Variants in ACOX3 observed in about 807,000 individuals in gnomAD.
ACOX3 encodes acyl-CoA oxidase 3, pristanoyl.
ACOX3 carries 73 observed loss-of-function variants against 81.5 expected under a neutral mutation model. The ratio of observed to expected loss-of-function variants is 0.90; its 90% confidence interval spans 0.74 to 1.09. The LOEUF (loss-of-function observed/expected upper bound fraction) is 1.09. Among genes scored for constraint, ACOX3 ranks in the 50% least tolerant of loss-of-function variants. The pLI is 0.00. For missense variants in ACOX3, 947 were observed against 928.0 expected (o/e 1.02, Z -0.27); for synonymous variants, 387 against 375.1 (o/e 1.03, Z -0.37).
the ACOX3 span, among the ~76,000 whole-genome samples, chr4:8,360,049 G>C: frequency 6.6e-6 from 1 of 152,150 alleles, no homozygotes; most frequent in Non-Finnish European, 1.5e-5. Context: ...CTTTGCTGCA[G>C]GTCCCTCAAA....
At position 8,416,340 on chromosome 4, in the gene ACOX3, G is replaced by A. The variant is rs1428691577; in HGVS notation, c.144+38C>T. ...TCTGCTAACGAACTAAGACCCCACT[G>A]GGAAAAAAGACAAGCTGCGCACAAC... On this transcript the variant is annotated intron_variant, in intron 2 of 17. Coordinates refer to ENST00000356406, the MANE Select transcript of ACOX3 (RefSeq NM_003501.3). The surrounding 1 kb of genome is among the most constrained non-coding windows in gnomAD (Gnocchi z 4.2). The A allele has an allele frequency of 6.2e-7, 1 of 1,613,664 alleles. No homozygotes were observed. The highest frequency in any genetic ancestry group is 2.2e-5 in the East Asian group (1 of 44,872).
rs979044104 is a variant in ACOX3 at position 8,386,744 on chromosome 4, A to G, written c.1537+2429T>C. 1.3e-5 allele frequency among the ~76,000 whole-genome samples: 2 copies of G among 152,072 alleles called. No individual in the cohort carries two copies. The highest frequency in any genetic ancestry group is 4.8e-5 in the African/African-American group (2 of 41,414). Reference sequence around the variant, plus strand: ...CAAGCAGTGATGCAGACGCTTCCTGATGACGATGCTGACGGTGCGGGCAGG... The same window carrying G: ...CAAGCAGTGATGCAGACGCTTCCTGGTGACGATGCTGACGGTGCGGGCAGG... On this transcript the variant is annotated intron_variant, in intron 13 of 17. Transcript: ENST00000356406. The surrounding 1 kb of genome is among the most constrained non-coding windows in gnomAD (Gnocchi z 5.2).
rs1022212261 is a variant in ACOX3 at position 8,382,864 on chromosome 4, C to T, written c.1538-1257G>A. On this transcript the variant is annotated intron_variant, in intron 13 of 17. Coordinates refer to ENST00000356406, the MANE Select transcript of ACOX3 (RefSeq NM_003501.3). This position sits in a 1 kb window ranked among gnomAD's most constrained non-coding sequence, Gnocchi z 4.1. ...AAAATTAGCCGGGCGCAGTGGCAGG[C>T]GCCTGTAGTCCCAGCTACTCGGGAG... is the stretch of plus-strand genomic sequence containing the variant. Among the ~76,000 whole-genome samples the T allele has an allele frequency of 2.5e-4, 38 of 152,102 alleles. No individual in the cohort carries two copies. Among genetic ancestry groups the T allele is most frequent in the African/African-American group, 4.8e-4 (20 of 41,526 alleles).
chr4:8,380,511 G>C (rs1717504966), intron 14 of ACOX3, among the ~76,000 whole-genome samples: 2 of 152,268 alleles, frequency 1.3e-5, no homozygotes, highest in South Asian at 4.1e-4. Context: ...CTTTGAGCTT[G>C]ACAGGAGCCC....
At chr4:8,440,266 A>G (rs1444290620) in intron 1 of ACOX3, among the ~76,000 whole-genome samples, 1 of 152,230 alleles carries the variant, frequency 6.6e-6, no homozygotes, top group Non-Finnish European at 1.5e-5. Flanking sequence ...CCGGCCGAAT[A>G]AACCTCTTTC....
In ACOX3 at chr4:8,415,961, G is replaced by A. The variant is rs147407499; in HGVS notation, c.183C>T (p.Phe61=). The change falls in exon 3 of 18, where the codon TTC becomes TTT. Residue 61 remains phenylalanine, a synonymous_variant. Coordinates refer to ENST00000356406, the MANE Select transcript of ACOX3 (RefSeq NM_003501.3). ...ACAGATCGGCTCCAGGGGAACGAGC[G>A]AAAAGAGGGTCATTCTCAAGAGCTG... ...IFSALENDPL[F]ARSPGADLSL... The A allele has an allele frequency of 6.4e-5, 104 of 1,614,218 alleles. No individual in the cohort carries two copies. In the East Asian group the frequency reaches 2.0e-3, roughly 31 times the overall value.
chr4:8,403,967 T>C (rs376328884), intron 7 of ACOX3, among the ~76,000 whole-genome samples: 1 of 152,244 alleles, frequency 6.6e-6, no homozygotes, highest in East Asian at 1.9e-4. Context: ...GACACTTCAG[T>C]AGATGGGTAA....
rs894496597 is a variant in ACOX3 at position 8,429,840 on chromosome 4, G to T, written c.-15+10808C>A. Among the ~76,000 whole-genome samples the T allele has an allele frequency of 2.6e-5, 4 of 152,176 alleles. No homozygotes were observed. In the East Asian group the frequency reaches 7.7e-4, roughly 29 times the overall value. The stretch of plus-strand genomic sequence containing the variant: ...ATCTGCAGTCCCAACTACTCGTGAG[G>T]CTGAGGCGGGAGAATCACTTGAGCC... On this transcript the variant is annotated intron_variant, in intron 1 of 17. Transcript: ENST00000356406.
intron 9 of ACOX3, among the ~76,000 whole-genome samples, chr4:8,396,173 G>A (rs1395449306): frequency 1.3e-5 from 2 of 152,060 alleles, no homozygotes; most frequent in African/African-American, 2.4e-5. Flanking sequence ...CTGTGCCCAC[G>A]CCACTGTTCT....
At chr4:8,364,288 T>C (rs1360250953), downstream of ACOX3, among the ~76,000 whole-genome samples, 2 of 152,240 alleles carry the variant, frequency 1.3e-5, no homozygotes, top group African/African-American at 4.8e-5. This position sits in a 1 kb window ranked among gnomAD's most constrained non-coding sequence, Gnocchi z 5.0. Context: ...CTCCCAGGGC[T>C]GTGTCACAGG....
Position 8,405,722 on chromosome 4 carries a change from C to T in ACOX3, c.776+233G>A, listed in dbSNP as rs1046862469. Reference sequence around the variant, plus strand: ...GTCTGATCTGAGAGTGTGGAGCCGCCTGCCAAGGTGAAGCTGGTTTGCTGA... The same window carrying T: ...GTCTGATCTGAGAGTGTGGAGCCGCTTGCCAAGGTGAAGCTGGTTTGCTGA... On this transcript the variant is annotated intron_variant, in intron 7 of 17. Transcript: ENST00000356406. This position sits in a 1 kb window ranked among gnomAD's most constrained non-coding sequence, Gnocchi z 7.1. Among the ~76,000 whole-genome samples the T allele has an allele frequency of 5.3e-5, 8 of 152,226 alleles. No homozygotes were observed. The highest frequency in any genetic ancestry group is 1.0e-4 in the Non-Finnish European group (7 of 68,044).
Position 8,373,474 on chromosome 4 carries a change from C to T in ACOX3, c.1896+87G>A, listed in dbSNP as rs900596298. ...TGGGTGATACTAAGGCGGTGCGTGT[C>T]GGTCTGGGTGATGCTAAGGGGATGC... On this transcript the variant is annotated intron_variant, in intron 16 of 17. Transcript: ENST00000356406. The T allele has an allele frequency of 3.9e-4, 541 of 1,404,762 alleles. 1 individual carries two copies. Among genetic ancestry groups the T allele is most frequent in the Middle Eastern group, 2.1e-4 (1 of 4,872 alleles). 87.0% of individuals were successfully genotyped at this position (1,404,762 alleles called of 1,614,324 possible). A position where few individuals can be genotyped will look rare whatever the true frequency, so the allele number is the denominator to read the frequency against.
chr4:8,356,156 T>A, the ACOX3 span: 1 of 252,920 alleles, frequency 4.0e-6, no homozygotes, highest in Non-Finnish European at 7.8e-6. Context: ...TTAACCCGTT[T>A]TAACGCCAAC....
At chr4:8,435,237 T>TC (rs1402652168) in intron 1 of ACOX3, among the ~76,000 whole-genome samples, 2 of 152,212 alleles carry the variant, frequency 1.3e-5, no homozygotes, top group Non-Finnish European at 2.9e-5. Flanking sequence ...ACGCCTATAA[T>TC]CCCAGCACTT....
At position 8,416,516 on chromosome 4, in the gene ACOX3, T is replaced by C; in HGVS notation, c.6A>G (p.Ala2=). Residue 2 remains alanine (A), a synonymous_variant, in exon 2 of 18, where the codon GCA becomes GCG. Coordinates refer to ENST00000356406, the MANE Select transcript of ACOX3 (RefSeq NM_003501.3). This position sits in a 1 kb window ranked among gnomAD's most constrained non-coding sequence, Gnocchi z 4.2. Reference sequence around the variant, plus strand: ...CTGTGTCGCCTCCTTCCACAGTGGATGCCATCGCGTGATAAGAGCCTGCAC... The same window carrying C: ...CTGTGTCGCCTCCTTCCACAGTGGACGCCATCGCGTGATAAGAGCCTGCAC... The part of the protein sequence containing the change: M[A]STVEGGDTAL... 1 of 1,604,366 alleles carries C rather than the reference T, an allele frequency of 6.2e-7. No individual in the cohort carries two copies. Among genetic ancestry groups the C allele is most frequent in the Non-Finnish European group, 8.5e-7 (1 of 1,174,600 alleles).
At position 8,381,687 on chromosome 4, in the gene ACOX3, C is replaced by G; in HGVS notation, c.1538-80G>C. On this transcript the variant is annotated intron_variant, in intron 13 of 17. Coordinates refer to ENST00000356406, the MANE Select transcript of ACOX3 (RefSeq NM_003501.3). The surrounding 1 kb of genome is among the most constrained non-coding windows in gnomAD (Gnocchi z 4.3). Reference sequence around the variant, plus strand: ...TCACAACTCACCCCCAGGGACAAGGCACTGCCAGCATCCTGCAGGTACCAG... The same window carrying G: ...TCACAACTCACCCCCAGGGACAAGGGACTGCCAGCATCCTGCAGGTACCAG... 1.9e-6 allele frequency: 2 copies of G among 1,053,456 alleles called. No homozygotes were observed. Among genetic ancestry groups the G allele is most frequent in the Non-Finnish European group, 2.9e-6 (2 of 698,350 alleles). The allele number at this position is 1,053,456 out of a possible 1,614,324, so 65.3% of individuals were successfully genotyped here. A position where few individuals can be genotyped will look rare whatever the true frequency, so the allele number is the denominator to read the frequency against.
intron 16 of ACOX3, among the ~76,000 whole-genome samples, chr4:8,371,830 A>T (rs374049957): frequency 5.9e-5 from 9 of 152,276 alleles, no homozygotes; most frequent in African/African-American, 1.9e-4. Flanking sequence ...GTGTTCCGTA[A>T]GGGTCCAGGT....
Position 8,373,820 on chromosome 4 carries a change from C to T in ACOX3, c.1829-192G>A, listed in dbSNP as rs375903432. 28 of 611,020 alleles carry T rather than the reference C, an allele frequency of 4.6e-5. No individual in the cohort carries two copies. The African/African-American group carries it at 4.8e-4, about 10-fold the overall frequency. 37.8% of individuals were successfully genotyped at this position (611,020 alleles called of 1,614,324 possible). ...GCTGCTCAGGGGCCGAGTTCTGAGA[C>T]CCTTTTCCCACTCAGGCATTGATGG... On this transcript the variant is annotated intron_variant, in intron 15 of 17. Coordinates refer to ENST00000356406, the MANE Select transcript of ACOX3 (RefSeq NM_003501.3).
intron 16 of ACOX3, among the ~76,000 whole-genome samples, 180 bp downstream of exon 16, chr4:8,373,381 G>T (rs1053346783): frequency 6.6e-6 from 1 of 150,808 alleles, no homozygotes; most frequent in Admixed American, 6.6e-5. Flanking sequence ...TGCTAAGGGG[G>T]TGCGTGTCGG....
Sources: allele counts gnomAD v4.1 joint callset (sites outside exome capture counted in the v4.1 genomes callset), GRCh38; gene constraint gnomAD v4.1.1; non-coding constraint Gnocchi (gnomAD v3.1); transcripts MANE v1.5; gene names NCBI Gene and HGNC (gene_info 2026-07-23, HGNC 2026-07-21).